Variants in NAALADL2 observed in about 807,000 individuals in gnomAD.
NAALADL2 encodes inactive N-acetylated-alpha-linked acidic dipeptidase-like protein 2.
NAALADL2 carries 76 observed loss-of-function variants against 87.2 expected under a neutral mutation model. The ratio of observed to expected loss-of-function variants is 0.87; its 90% CI spans 0.72 to 1.05. The LOEUF is 1.05. Among genes scored for constraint, NAALADL2 ranks in the 50% least tolerant of loss-of-function variants. The probability of loss-of-function intolerance (pLI) is 0.00; values close to 1 mark genes in which losing one functional copy is unlikely to be tolerated. For synonymous variants in NAALADL2, 354 were observed against 331.0 expected (o/e 1.07, Z -0.75); for missense variants, 1,089 against 945.8 (o/e 1.15, Z -1.99).
Position 174,451,856 on chromosome 3 carries a change from T to G in NAALADL2, c.-184+10824T>G, listed in dbSNP as rs891550309. On this transcript the variant is annotated intron_variant, in intron 1 of 3. Transcript: ENST00000434257. ...AGGATAGTGGGAGTTTTTTTTTTTT[T>G]TTTTTTTTTTTTTTTTGAGTCTGTC... 9.6e-3 allele frequency among the ~76,000 whole-genome samples: 1,353 copies of G among 141,372 alleles called. 20 individuals are homozygous for G. Among genetic ancestry groups the G allele is most frequent in the African/African-American group, 0.03 (1,133 of 37,272 alleles). 92.7% of individuals were successfully genotyped at this position (141,372 alleles called of 152,430 possible).
chr3:175,588,115 A>G (rs1298736673), intron 10 of NAALADL2, among the ~76,000 whole-genome samples: 1 of 152,002 alleles, frequency 6.6e-6, no homozygotes, highest in Non-Finnish European at 1.5e-5. Context: ...CCTAGACTGT[A>G]CAACCCAAAC....
At chr3:175,536,850 C>G (rs938371190) in intron 9 of NAALADL2, among the ~76,000 whole-genome samples, 1 of 152,074 alleles carries the variant, frequency 6.6e-6, no homozygotes, top group African/African-American at 2.4e-5. Flanking sequence ...GGCGTGGTGG[C>G]GGGCGCCTGT....
chr3:174,885,242 G>C (rs181818924), intron 1 of NAALADL2, among the ~76,000 whole-genome samples: 1 of 152,124 alleles, frequency 6.6e-6, no homozygotes, highest in Non-Finnish European at 1.5e-5. Context: ...TCGGCCACTC[G>C]CATGATAAGA....
intron 2 of NAALADL2, among the ~76,000 whole-genome samples, chr3:175,229,759 A>G (rs1744675044): frequency 6.6e-6 from 1 of 152,010 alleles, no homozygotes; most frequent in South Asian, 2.1e-4. Flanking sequence ...TTGATATATT[A>G]TTATAAGGAT....
chr3:174,904,013 G>A (rs1048181316), intron 1 of NAALADL2, among the ~76,000 whole-genome samples: 1 of 147,232 alleles, frequency 6.8e-6, no homozygotes, highest in Non-Finnish European at 1.5e-5. Flanking sequence ...ATCTATATCT[G>A]TATCTATTTG....
At chr3:175,737,500 G>A in intron 12 of NAALADL2, 101 bp downstream of exon 12, 1 of 726,436 alleles carries the variant, frequency 1.4e-6, no homozygotes, top group Non-Finnish European at 2.4e-6. Context: ...ACTAGCCATG[G>A]CAATGCTGTG....
intron 1 of NAALADL2, among the ~76,000 whole-genome samples, chr3:175,079,714 A>C (rs1330090610): frequency 1.3e-5 from 2 of 152,178 alleles, no homozygotes; most frequent in South Asian, 2.1e-4. Flanking sequence ...TTCTGGATCA[A>C]AATAAAAGGA....
At chr3:175,415,523 A>C (rs1462486327) in intron 5 of NAALADL2, among the ~76,000 whole-genome samples, 2 of 152,154 alleles carry the variant, frequency 1.3e-5, no homozygotes, top group Non-Finnish European at 2.9e-5. Context: ...AGAATGTGAG[A>C]AAATAAATAA....
chr3:175,013,306 T>A (rs1273931662), intron 1 of NAALADL2, among the ~76,000 whole-genome samples: 1 of 119,842 alleles, frequency 8.3e-6, no homozygotes, highest in Non-Finnish European at 1.7e-5. Flanking sequence ...TATATATTTT[T>A]TTTTTTTTTT....
chr3:175,357,787 A>G (rs1764559837), intron 5 of NAALADL2, among the ~76,000 whole-genome samples: 1 of 152,186 alleles, frequency 6.6e-6, no homozygotes, highest in African/African-American at 2.4e-5. Context: ...AGGTGTGCCT[A>G]GGGAGGTTCT....
At chr3:174,794,240 C>G (rs1192824183) in intron 3 of NAALADL2, among the ~76,000 whole-genome samples, 3 of 151,938 alleles carry the variant, frequency 2.0e-5, no homozygotes, top group Admixed American at 6.6e-5. Context: ...TGTGATTGCT[C>G]TAGTATTTAC....
At chr3:175,557,341 C>T (rs1397014015) in intron 9 of NAALADL2, among the ~76,000 whole-genome samples, 1 of 152,082 alleles carries the variant, frequency 6.6e-6, no homozygotes, top group Non-Finnish European at 1.5e-5. Context: ...GTGTAATAAT[C>T]ACATCAGGGT....
At chr3:175,260,946 C>G (rs113053553) in intron 4 of NAALADL2, among the ~76,000 whole-genome samples, 1 of 151,912 alleles carries the variant, frequency 6.6e-6, no homozygotes, top group Non-Finnish European at 1.5e-5. Flanking sequence ...GAGAAAATCC[C>G]AACATTGCAG....
At chr3:175,518,373 C>T (rs1732172738) in intron 9 of NAALADL2, among the ~76,000 whole-genome samples, 1 of 152,202 alleles carries the variant, frequency 6.6e-6, no homozygotes, top group Non-Finnish European at 1.5e-5. Flanking sequence ...AGATCCTAAG[C>T]AGGAAGAGCA....
At chr3:175,211,029 A>G (rs1255197723) in intron 2 of NAALADL2, among the ~76,000 whole-genome samples, 2 of 151,960 alleles carry the variant, frequency 1.3e-5, no homozygotes, top group East Asian at 1.9e-4. Context: ...ATTTGAAACA[A>G]AAAGGCCCAT....
chr3:175,174,462 A>G (rs929295387), intron 2 of NAALADL2, among the ~76,000 whole-genome samples: 14 of 152,128 alleles, frequency 9.2e-5, no homozygotes, highest in Non-Finnish European at 7.4e-5. Context: ...TGCGTCTTTC[A>G]TATTGCCCTC....
intron 1 of NAALADL2, among the ~76,000 whole-genome samples, chr3:174,450,185 A>G (rs1387121792): frequency 1.3e-5 from 2 of 152,192 alleles, no homozygotes; most frequent in African/African-American, 2.4e-5. Flanking sequence ...CAAAACACCA[A>G]GCGTTTGGTC....
At chr3:174,872,733 T>TACACACACAC (rs140990241) in intron 1 of NAALADL2, among the ~76,000 whole-genome samples, 26 of 148,434 alleles carry the variant, frequency 1.8e-4, no homozygotes, top group African/African-American at 5.7e-4. Context: ...CACACACACA[T>TACACACACAC]ACACACACAC....
At chr3:174,752,083 T>C (rs926935032) in intron 3 of NAALADL2, among the ~76,000 whole-genome samples, 4 of 152,110 alleles carry the variant, frequency 2.6e-5, no homozygotes, top group Non-Finnish European at 5.9e-5. Flanking sequence ...GTTCACGCCA[T>C]TCTCCTGCCT....
Sources: allele counts gnomAD v4.1 joint callset (sites outside exome capture counted in the v4.1 genomes callset), GRCh38; gene constraint gnomAD v4.1.1; transcripts MANE v1.5; gene names NCBI Gene and HGNC (gene_info 2026-07-23, HGNC 2026-07-21).